Variants in FMN2 observed in about 807,000 individuals in gnomAD.
The protein encoded by FMN2 is formin-2.
Under a neutral mutation model 142.3 loss-of-function variants are expected in FMN2, and 51 were observed. That is an observed-to-expected ratio of 0.36 (90% CI 0.29 to 0.45). FMN2 has a LOEUF of 0.45. Among genes scored for constraint, FMN2 ranks in the 20% least tolerant of loss-of-function variants. The probability of loss-of-function intolerance (pLI) is 1.00; values close to 1 mark genes in which losing one functional copy is unlikely to be tolerated. For synonymous variants in FMN2, 882 were observed against 869.8 expected, an observed-to-expected ratio of 1.01 and a Z score of -0.25; for missense variants, 1,936 against 2,122.8, an observed-to-expected ratio of 0.91 and a Z score of 1.73.
At chr1:240,113,557 CAAAA>C (rs34741987) in intron 1 of FMN2, among the ~76,000 whole-genome samples, 5 of 88,496 alleles carry the variant, frequency 5.6e-5, no homozygotes, top group Admixed American at 1.5e-4. Flanking sequence ...GACTCCGTCT[CAAAA>C]AAAAAAAAAA....
chr1:240,217,807 A>G (rs1313070922), intron 6 of FMN2, among the ~76,000 whole-genome samples: 1 of 130,924 alleles, frequency 7.6e-6, no homozygotes, highest in Non-Finnish European at 1.7e-5. Context: ...GGCTAAAAAT[A>G]AAAAAAAAAA....
At chr1:240,312,324 T>C (rs1670627462) in intron 8 of FMN2, among the ~76,000 whole-genome samples, 1 of 152,224 alleles carries the variant, frequency 6.6e-6, no homozygotes, top group African/African-American at 2.4e-5. Context: ...AAAAGTCTCC[T>C]GAATCTTCAG....
At position 240,361,687 on chromosome 1, in the gene FMN2, G is replaced by A. The variant is rs150446009; in HGVS notation, c.4858+5779G>A. 4.7e-3 allele frequency among the ~76,000 whole-genome samples: 722 copies of A among 152,348 alleles called. 7 individuals are homozygous for A. Among genetic ancestry groups the A allele is most frequent in the African/African-American group, 0.016 (676 of 41,582 alleles). ...GAATGGTTGGCATGGTTACCCATATGTAAACACGCAAGTGGGCATGCCCAG... is the reference window on the plus strand; with the variant it reads ...GAATGGTTGGCATGGTTACCCATATATAAACACGCAAGTGGGCATGCCCAG... On this transcript the variant is annotated intron_variant, in intron 14 of 17. Coordinates refer to ENST00000319653, the MANE Select transcript of FMN2 (RefSeq NM_020066.5).
At chr1:240,440,080 G>A (rs1026887634) in intron 16 of FMN2, among the ~76,000 whole-genome samples, 3 of 152,180 alleles carry the variant, frequency 2.0e-5, no homozygotes, top group East Asian at 1.9e-4. Context: ...GACTGATGAC[G>A]TTGTCACTTT....
intron 6 of FMN2, 21 bp downstream of exon 6, chr1:240,211,256 T>TGCCA: frequency 1.9e-6 from 3 of 1,605,672 alleles, no homozygotes; most frequent in Non-Finnish European, 2.5e-6. Context: ...TTGTGCTTTA[T>TGCCA]GAAATTGGAC....
chr1:240,299,635 C>T (rs1670123742), intron 8 of FMN2, among the ~76,000 whole-genome samples: 1 of 152,052 alleles, frequency 6.6e-6, no homozygotes, highest in Non-Finnish European at 1.5e-5. Context: ...GATTTGCTTC[C>T]TTCTTGTTGA....
intron 7 of FMN2, among the ~76,000 whole-genome samples, chr1:240,290,254 G>A (rs1403224510): frequency 6.6e-6 from 1 of 152,022 alleles, no homozygotes; most frequent in Non-Finnish European, 1.5e-5. Flanking sequence ...TTGACGATTG[G>A]ACTTCCAAAA....
rs10926220 is a variant in FMN2 at position 240,334,357 on chromosome 1, C to A, written c.4765+128C>A. ...TAGAACTAAATTTGTGTGTGTGTGGCGAAAGAACAATTTTGCCTATATTCT... is the reference window on the plus strand; with the variant it reads ...TAGAACTAAATTTGTGTGTGTGTGGAGAAAGAACAATTTTGCCTATATTCT... On this transcript the variant is annotated intron_variant, in intron 13 of 17. Transcript: ENST00000319653. 6 of 1,105,624 alleles carry A rather than the reference C, an allele frequency of 5.4e-6. No homozygotes were observed. In the African/African-American group the frequency reaches 8.1e-5, roughly 15 times the overall value. The allele number at this position is 1,105,624 out of a possible 1,614,324, so 68.5% of individuals were successfully genotyped here. A position where few individuals can be genotyped will look rare whatever the true frequency, so the allele number is the denominator to read the frequency against.
intron 3 of FMN2, among the ~76,000 whole-genome samples, chr1:240,181,502 G>C (rs1314507006): frequency 1.3e-5 from 2 of 152,138 alleles, no homozygotes; most frequent in East Asian, 1.9e-4. Flanking sequence ...ACCCTTCTTT[G>C]TATGAATTGG....
At chr1:240,101,874 C>T (rs1022439850) in intron 1 of FMN2, among the ~76,000 whole-genome samples, 11 of 151,748 alleles carry the variant, frequency 7.2e-5, no homozygotes, top group Non-Finnish European at 1.0e-4. Flanking sequence ...ATGTATGGCT[C>T]GAAGATTTAG....
chr1:240,360,564 G>A (rs1672427713), intron 14 of FMN2, among the ~76,000 whole-genome samples: 1 of 152,168 alleles, frequency 6.6e-6, no homozygotes, highest in South Asian at 2.1e-4. Flanking sequence ...TACAGAGTGT[G>A]AAACCATAAG....
At chr1:240,242,981 TCAGTGCCTTCTGTGGTCTG>T (rs1667962453) in intron 6 of FMN2, among the ~76,000 whole-genome samples, 1 of 152,158 alleles carries the variant, frequency 6.6e-6, no homozygotes, top group Non-Finnish European at 1.5e-5. Context: ...ATGGTCAGTG[TCAGTGCCTTCTGTGGTCTG>T]CAGTGCCTTG....
chr1:240,245,650 A>C, intron 6 of FMN2: 1 of 469,170 alleles, frequency 2.1e-6, no homozygotes, highest in Non-Finnish European at 4.4e-6. Context: ...GGTATTAGTT[A>C]AAATACTGGT....
chr1:240,428,884 T>G (rs1237462503), intron 15 of FMN2, among the ~76,000 whole-genome samples: 1 of 152,252 alleles, frequency 6.6e-6, no homozygotes, highest in Non-Finnish European at 1.5e-5. Flanking sequence ...TGTTATGATG[T>G]TTCTGTTCCA....
At chr1:240,394,694 G>A (rs760984646) in intron 15 of FMN2, among the ~76,000 whole-genome samples, 67 of 152,282 alleles carry the variant, frequency 4.4e-4, no homozygotes, top group Non-Finnish European at 7.6e-4. Flanking sequence ...AGGGTCGGGC[G>A]TGGTGGCTCA....
chr1:240,358,156 T>C (rs567895471), intron 14 of FMN2, among the ~76,000 whole-genome samples: 2 of 152,342 alleles, frequency 1.3e-5, no homozygotes, highest in South Asian at 4.1e-4. Flanking sequence ...CTTTGTTCAT[T>C]TAAAAATTCT....
At chr1:240,450,985 A>G (rs1343308375) in intron 16 of FMN2, among the ~76,000 whole-genome samples, 2 of 152,230 alleles carry the variant, frequency 1.3e-5, no homozygotes, top group African/African-American at 2.4e-5. Context: ...GTGCTACTGT[A>G]CGGTCAGAAA....
intron 6 of FMN2, among the ~76,000 whole-genome samples, chr1:240,215,004 C>T (rs898560864): frequency 1.3e-5 from 2 of 151,686 alleles, no homozygotes; most frequent in African/African-American, 4.8e-5. Flanking sequence ...GAGGTTGAGG[C>T]TGCAGTGAGT....
At chr1:240,437,133 T>C (rs1047348404) in intron 15 of FMN2, among the ~76,000 whole-genome samples, 1 of 152,150 alleles carries the variant, frequency 6.6e-6, no homozygotes, top group Non-Finnish European at 1.5e-5. Flanking sequence ...TTTGAAACTC[T>C]TCTGAGCTCC....
Sources: allele counts gnomAD v4.1 joint callset (sites outside exome capture counted in the v4.1 genomes callset), GRCh38; gene constraint gnomAD v4.1.1; transcripts MANE v1.5; gene names NCBI Gene and HGNC (gene_info 2026-07-23, HGNC 2026-07-21).